Variants in TMEM163 observed in about 807,000 individuals in gnomAD.
TMEM163 encodes transmembrane protein 163.
Under a neutral mutation model 29.3 loss-of-function variants are expected in TMEM163, and 17 were observed. That is an observed-to-expected ratio of 0.58 (90% CI 0.40 to 0.87). The LOEUF (loss-of-function observed/expected upper bound fraction) is 0.87, where lower values mean the gene tolerates loss of function less well. TMEM163 is among the 40% of genes least tolerant of loss of function. The probability of loss-of-function intolerance (pLI) is 0.00; values close to 1 mark genes in which losing one functional copy is unlikely to be tolerated. For missense variants in TMEM163, 303 were observed against 381.5 expected (o/e 0.79, Z 1.71); for synonymous variants, 157 against 160.6 (o/e 0.98, Z 0.17).
chr2:134,638,444 G>C (rs1315576416), intron 2 of TMEM163, among the ~76,000 whole-genome samples: 1 of 152,210 alleles, frequency 6.6e-6, no homozygotes. Flanking sequence ...TCAAGAAAAG[G>C]GGGCTGGCAG....
At chr2:134,504,775 T>C (rs1233842495) in intron 4 of TMEM163, among the ~76,000 whole-genome samples, 2 of 152,202 alleles carry the variant, frequency 1.3e-5, no homozygotes, top group Non-Finnish European at 2.9e-5. Context: ...ATGTGCTGCC[T>C]GTGTGTGACA....
chr2:134,717,437 T>G (rs1312203999), intron 1 of TMEM163, among the ~76,000 whole-genome samples: 1 of 152,168 alleles, frequency 6.6e-6, no homozygotes, highest in Non-Finnish European at 1.5e-5. Flanking sequence ...CAGCTCCAGT[T>G]CTCGCTGAGC....
At chr2:134,537,859 A>G (rs1680575461) in intron 4 of TMEM163, among the ~76,000 whole-genome samples, 1 of 152,194 alleles carries the variant, frequency 6.6e-6, no homozygotes, top group Non-Finnish European at 1.5e-5. Context: ...ACAATGACCC[A>G]CTACTTCAAT....
intron 2 of TMEM163, among the ~76,000 whole-genome samples, chr2:134,595,455 G>T (rs965840550): frequency 7.2e-5 from 11 of 152,184 alleles, no homozygotes; most frequent in African/African-American, 2.7e-4. Context: ...TCATCATTTT[G>T]TATGGCTGCA....
At chr2:134,559,468 A>T (rs1423888966) in intron 2 of TMEM163, among the ~76,000 whole-genome samples, 1 of 152,204 alleles carries the variant, frequency 6.6e-6, no homozygotes, top group Non-Finnish European at 1.5e-5. Context: ...CCATTATTTG[A>T]GAGCTCTTTG....
intron 4 of TMEM163, among the ~76,000 whole-genome samples, chr2:134,550,326 G>A (rs1431395272): frequency 6.6e-6 from 1 of 152,178 alleles, no homozygotes; most frequent in African/African-American, 2.4e-5. Context: ...GGATAGACCA[G>A]CAAACACATA....
chr2:134,643,905 A>T (rs537992481), intron 2 of TMEM163, among the ~76,000 whole-genome samples: 40 of 152,218 alleles, frequency 2.6e-4, no homozygotes, highest in Non-Finnish European at 5.3e-4. Context: ...AACTCCTAGG[A>T]CTAATAAGTA....
intron 4 of TMEM163, among the ~76,000 whole-genome samples, chr2:134,550,189 T>G (rs1680880743): frequency 1.3e-5 from 2 of 152,302 alleles, no homozygotes; most frequent in South Asian, 4.1e-4. Context: ...TAATTTAGAA[T>G]GCCCTTAAGA....
chr2:134,499,796 G>C (rs1679661048), intron 5 of TMEM163, among the ~76,000 whole-genome samples: 1 of 152,156 alleles, frequency 6.6e-6, no homozygotes, highest in South Asian at 2.1e-4. Flanking sequence ...GAGACTAAGG[G>C]GGAGGTGTCA....
chr2:134,526,940 C>T (rs1008379502), intron 4 of TMEM163, among the ~76,000 whole-genome samples: 24 of 152,186 alleles, frequency 1.6e-4, no homozygotes, highest in African/African-American at 5.8e-4. Context: ...CAGCACGGTT[C>T]AGTATATGCT....
intron 2 of TMEM163, among the ~76,000 whole-genome samples, chr2:134,674,065 T>C (rs1311333250): frequency 2.6e-5 from 4 of 152,220 alleles, no homozygotes; most frequent in Admixed American, 2.0e-4. Context: ...TACAATGAAG[T>C]ACCTCACTGC....
chr2:134,716,919 T>C (rs1685050510), intron 1 of TMEM163, among the ~76,000 whole-genome samples: 1 of 152,200 alleles, frequency 6.6e-6, no homozygotes, highest in Non-Finnish European at 1.5e-5. Context: ...CTTTGGCGAA[T>C]AGGGTTCATC....
At chr2:134,555,046 CTTCCTTT>C (rs1681019316) in intron 2 of TMEM163, among the ~76,000 whole-genome samples, 1 of 152,214 alleles carries the variant, frequency 6.6e-6, no homozygotes, top group South Asian at 2.1e-4. Context: ...GCTCTGACAG[CTTCCTTT>C]TGTGGCCAAC....
At chr2:134,599,633 G>C (rs7558554) in intron 2 of TMEM163, among the ~76,000 whole-genome samples, 99,296 of 151,450 alleles carry the variant, frequency 0.66, 34,075 homozygotes, top group African/African-American at 0.83. Flanking sequence ...GCCCAGCTGA[G>C]CAAGACCCGA....
chr2:134,465,199 A>C lies in TMEM163; in HGVS notation c.667+915T>G, dbSNP rs909418516. On this transcript the variant is annotated intron_variant, in intron 6 of 7. Transcript: ENST00000281924. The stretch of plus-strand genomic sequence containing the variant: ...GTGAGTCCGCATCTTTAAAAAAAAA[A>C]AAAACAAAAACAAAACAAAAATATA... 3.5e-5 allele frequency among the ~76,000 whole-genome samples: 4 copies of C among 114,642 alleles called. No individual in the cohort carries two copies. In the East Asian group the frequency reaches 1.1e-3, roughly 32 times the overall value. The allele number at this position is 114,642 out of a possible 152,430, so 75.2% of individuals were successfully genotyped here.
intron 2 of TMEM163, among the ~76,000 whole-genome samples, chr2:134,644,207 A>G (rs544372738): frequency 7.2e-5 from 11 of 152,280 alleles, no homozygotes; most frequent in Middle Eastern, 3.4e-3. Flanking sequence ...CTATAGATTT[A>G]AGAAAAGGCC....
intron 2 of TMEM163, among the ~76,000 whole-genome samples, chr2:134,680,699 C>A (rs1285272981): frequency 2.0e-5 from 3 of 152,144 alleles, no homozygotes; most frequent in Admixed American, 1.3e-4. Flanking sequence ...AGGGACGGCC[C>A]CCATCCCTGC....
intron 2 of TMEM163, among the ~76,000 whole-genome samples, chr2:134,659,290 A>G (rs1683695114): frequency 1.3e-5 from 2 of 152,208 alleles, no homozygotes; most frequent in African/African-American, 4.8e-5. Context: ...TATGCAGTGG[A>G]CCCAAACATC....
In TMEM163 at chr2:134,655,859, C is replaced by T. The variant is rs1253962969; in HGVS notation, c.322+57341G>A. 1.7e-4 allele frequency among the ~76,000 whole-genome samples: 23 copies of T among 138,326 alleles called. 3 individuals are homozygous for T. In the South Asian group the frequency reaches 3.2e-3, roughly 19 times the overall value. The allele number at this position is 138,326 out of a possible 152,430, so 90.7% of individuals were successfully genotyped here. On this transcript the variant is annotated intron_variant, in intron 2 of 7. Coordinates refer to ENST00000281924, the MANE Select transcript of TMEM163 (RefSeq NM_030923.5). ...GGGGGTGCCTCCCAGTTAGGCTGCT[C>T]GGGGGTCAGGGGTCAGGGACCCACT...
Sources: allele counts gnomAD v4.1 joint callset (sites outside exome capture counted in the v4.1 genomes callset), GRCh38; gene constraint gnomAD v4.1.1; transcripts MANE v1.5; gene names NCBI Gene and HGNC (gene_info 2026-07-23, HGNC 2026-07-21).